The following CHRNB3 variants were observed in gnomAD, a reference collection of about 807,000 sequenced individuals.
CHRNB3 encodes the protein neuronal acetylcholine receptor subunit beta-3.
CHRNB3 carries 37 observed loss-of-function variants against 40.6 expected under a neutral mutation model. The observed-to-expected ratio is 0.91, with a 90% CI of 0.70 to 1.20. CHRNB3 has a LOEUF of 1.20. CHRNB3 is among the 50% of genes most tolerant of loss of function. The pLI is 0.00. For missense variants in CHRNB3, 505 were observed against 551.2 expected, an observed-to-expected ratio of 0.92 and a Z score of 0.84; for synonymous variants, 207 against 207.1, an observed-to-expected ratio of 1.00 and a Z score of 0.00.
intron 1 of CHRNB3, among the ~76,000 whole-genome samples, chr8:42,703,435 A>ATAAAATAAATATATATATATATATATAT (rs1554589389): frequency 2.1e-5 from 1 of 47,400 alleles, no homozygotes; most frequent in Non-Finnish European, 4.6e-5. Flanking sequence ...AAAAAAAAAA[A>ATAAAATAAATATATATATATATATATAT]ATATTTATAT....
chr8:42,733,044 T>C (rs1816456957), intron 5 of CHRNB3, among the ~76,000 whole-genome samples: 1 of 151,868 alleles, frequency 6.6e-6, no homozygotes, highest in Non-Finnish European at 1.5e-5. Flanking sequence ...TTTTTTTAAG[T>C]GTGAGCCAGG....
At chr8:42,721,589 T>A (rs1488530852) in intron 3 of CHRNB3, among the ~76,000 whole-genome samples, 1 of 151,910 alleles carries the variant, frequency 6.6e-6, no homozygotes, top group Non-Finnish European at 1.5e-5. Flanking sequence ...CTGGGCATGG[T>A]GGTGCACTCC....
chr8:42,718,476 A>C (rs1449270037), intron 3 of CHRNB3, among the ~76,000 whole-genome samples: 1 of 151,528 alleles, frequency 6.6e-6, no homozygotes, highest in Non-Finnish European at 1.5e-5. Flanking sequence ...GATTGAGACC[A>C]TCCTAGCTAA....
chr8:42,712,366 A>T (rs185375300), intron 3 of CHRNB3, among the ~76,000 whole-genome samples: 1 of 152,276 alleles, frequency 6.6e-6, no homozygotes, highest in East Asian at 1.9e-4. Context: ...TCTTTCTGCT[A>T]ATGCTTTATA....
At chr8:42,699,116 T>C (rs1046492420) in intron 1 of CHRNB3, among the ~76,000 whole-genome samples, 1 of 152,256 alleles carries the variant, frequency 6.6e-6, no homozygotes, top group Non-Finnish European at 1.5e-5. Flanking sequence ...TTTTTTAACT[T>C]TACTATTCAT....
At chr8:42,711,948 G>A (rs947837602) in intron 3 of CHRNB3, among the ~76,000 whole-genome samples, 1 of 151,882 alleles carries the variant, frequency 6.6e-6, no homozygotes, top group African/African-American at 2.4e-5. Flanking sequence ...TTCTAAGCGA[G>A]AACATGTAAT....
Position 42,731,993 on chromosome 8 carries a change from T to C in CHRNB3, c.686T>C (p.Leu229Pro). Residue 229 changes from leucine (L) to proline (P), a missense_variant, in exon 5 of 6, where the codon CTG (leucine) becomes CCG (proline). Leu to Pro is a moderately conservative substitution (Grantham distance 98). Transcript: ENST00000289957. ...SYPFITYSFVLRRLPLFYTLF... is the reference protein window; with the variant it reads ...SYPFITYSFVPRRLPLFYTLF... ...CCCTTTATCACGTATTCCTTCGTCC[T>C]GAGACGCCTGCCTTTATTCTATACC... 1 of 1,614,068 alleles carries C rather than the reference T, an allele frequency of 6.2e-7. No individual in the cohort carries two copies. The highest frequency in any genetic ancestry group is 8.5e-7 in the Non-Finnish European group (1 of 1,179,980).
intron 5 of CHRNB3, among the ~76,000 whole-genome samples, chr8:42,736,162 T>C (rs28408880): frequency 0.1 from 15,795 of 152,076 alleles, 1,212 homozygotes; most frequent in African/African-American, 0.2. Context: ...CCACCGCACC[T>C]GGCCTATAGT....
intron 3 of CHRNB3, among the ~76,000 whole-genome samples, chr8:42,719,099 A>G (rs1310911213): frequency 6.6e-6 from 1 of 152,150 alleles, no homozygotes; most frequent in Non-Finnish European, 1.5e-5. Flanking sequence ...ATTATTTCTC[A>G]TCTCTTACCC....
chr8:42,707,169 A>G (rs1461154132), intron 1 of CHRNB3, among the ~76,000 whole-genome samples: 1 of 152,242 alleles, frequency 6.6e-6, no homozygotes, highest in African/African-American at 2.4e-5. Flanking sequence ...GACACAGCCC[A>G]CTTCACCCAT....
At chr8:42,698,110 ACT>A (rs756134148) in intron 1 of CHRNB3, among the ~76,000 whole-genome samples, 18 of 152,170 alleles carry the variant, frequency 1.2e-4, no homozygotes, top group Non-Finnish European at 2.2e-4. Context: ...ATGTATCAAA[ACT>A]CTATGTGTTT....
At position 42,731,927 on chromosome 8, in the gene CHRNB3, A is replaced by AGGGGATGAAGG. The variant is rs763302056; in HGVS notation, c.623_633dup (p.Asn212GlyfsTer2). On this transcript the variant is annotated frameshift_variant, in exon 5 of 6. Coordinates refer to ENST00000289957, the MANE Select transcript of CHRNB3 (RefSeq NM_000749.5). LOFTEE classifies it high-confidence loss of function. ...GGAGAATGGGAAATACTGAACGCAA[A>AGGGGATGAAGG]GGGGATGAAGGGGAACAGAAGGGAC... is the stretch of plus-strand genomic sequence containing the variant. 3.1e-6 allele frequency: 5 copies of AGGGGATGAAGG among 1,614,144 alleles called. No homozygotes were observed. Among genetic ancestry groups the AGGGGATGAAGG allele is most frequent in the Non-Finnish European group, 1.7e-6 (2 of 1,180,024 alleles).
At position 42,731,084 on chromosome 8, in the gene CHRNB3, AT is replaced by A. The variant is rs1816409203; in HGVS notation, c.359+382del. 5.3e-5 allele frequency among the ~76,000 whole-genome samples: 8 copies of A among 151,466 alleles called. 1 individual carries two copies. The highest frequency in any genetic ancestry group is 2.1e-4 in the South Asian group (1 of 4,804). Reference sequence around the variant, plus strand: ...AATAAATAAATAAATAAATAAATAAATAAATAAAAAATAAAAAGTGAAAAAA... The same window carrying A: ...AATAAATAAATAAATAAATAAATAAAAAATAAAAAATAAAAAGTGAAAAAA... On this transcript the variant is annotated intron_variant, in intron 4 of 5. Coordinates refer to ENST00000289957, the MANE Select transcript of CHRNB3 (RefSeq NM_000749.5).
intron 3 of CHRNB3, among the ~76,000 whole-genome samples, chr8:42,717,909 C>G (rs1035939859): frequency 1.3e-5 from 2 of 149,828 alleles, no homozygotes; most frequent in Non-Finnish European, 3.0e-5. Flanking sequence ...CTCGGCTCAC[C>G]ACAACCTCCG....
At chr8:42,708,472 A>AACAC (rs774747142) in intron 1 of CHRNB3, among the ~76,000 whole-genome samples, 3 of 51,704 alleles carry the variant, frequency 5.8e-5, no homozygotes, top group Admixed American at 2.3e-4. Flanking sequence ...TCTCAAAAAA[A>AACAC]ATACACACAC....
At position 42,732,068 on chromosome 8, in the gene CHRNB3, T is replaced by A. The variant is rs748175547; in HGVS notation, c.761T>A (p.Val254Glu). 6 of 1,614,144 alleles carry A rather than the reference T, an allele frequency of 3.7e-6. No individual in the cohort carries two copies. The highest frequency in any genetic ancestry group is 4.2e-6 in the Non-Finnish European group (5 of 1,180,040). The change falls in exon 5 of 6, where the codon GTG becomes GAG. Residue 254 changes from valine to glutamate, a missense_variant. Transcript: ENST00000289957. ...GGGCTGTCTTTCCTAACAGTTCTTG[T>A]GTTCTATTTACCTTCGGATGAAGGA... is the stretch of plus-strand genomic sequence containing the variant. The part of the protein sequence containing the change: ...CLGLSFLTVL[V>E]FYLPSDEGEK...
At chr8:42,727,460 C>T (rs1463186656) in intron 3 of CHRNB3, among the ~76,000 whole-genome samples, 1 of 151,376 alleles carries the variant, frequency 6.6e-6, no homozygotes, top group Non-Finnish European at 1.5e-5. Flanking sequence ...CATGCACATA[C>T]ACAGTTAACT....
chr8:42,711,106 A>G (rs1446066016), intron 3 of CHRNB3, among the ~76,000 whole-genome samples: 4 of 152,186 alleles, frequency 2.6e-5, no homozygotes, highest in Admixed American at 2.0e-4. Flanking sequence ...GTCAGTAAAT[A>G]ATTACCATTC....
chr8:42,698,558 A>G (rs1815719119), intron 1 of CHRNB3, among the ~76,000 whole-genome samples: 1 of 152,224 alleles, frequency 6.6e-6, no homozygotes, highest in Non-Finnish European at 1.5e-5. Flanking sequence ...GAGGCACCTG[A>G]ACATTATCCT....
Sources: gnomAD v4.1 joint callset for allele counts (sites outside exome capture counted in the v4.1 genomes callset) on GRCh38, gnomAD v4.1.1 for gene constraint, MANE v1.5 for transcripts, NCBI Gene and HGNC (gene_info 2026-07-23, HGNC 2026-07-21) for gene names.